The following ZFC3H1 variants were observed in gnomAD, a reference collection of about 807,000 sequenced individuals.
The protein encoded by ZFC3H1 is zinc finger C3H1 domain-containing protein.
A neutral mutation model predicts 243.7 loss-of-function variants in ZFC3H1; 71 were observed. The ratio of observed to expected loss-of-function variants is 0.29; its 90% CI spans 0.24 to 0.36. ZFC3H1 has a LOEUF of 0.36. Among genes scored for constraint, ZFC3H1 ranks in the 10% least tolerant of loss-of-function variants. ZFC3H1 has a pLI of 1.00. For missense variants in ZFC3H1, 1,966 were observed against 2,317.1 expected (o/e 0.85, Z 3.11); for synonymous variants, 838 against 813.0 (o/e 1.03, Z -0.52).
intron 1 of ZFC3H1, among the ~76,000 whole-genome samples, chr12:71,658,861 G>A (rs1392595358): frequency 6.6e-6 from 1 of 152,092 alleles, no homozygotes; most frequent in Non-Finnish European, 1.5e-5. Flanking sequence ...TAGTTTCTCT[G>A]TACCCTTCTT....
Position 71,627,878 on chromosome 12 carries a change from C to T in ZFC3H1, c.4003G>A (p.Asp1335Asn). The change falls in exon 21 of 35, where the codon GAT (aspartate) becomes AAT (asparagine). Residue 1335 changes from aspartate (D) to asparagine (N), a missense_variant. Coordinates refer to ENST00000378743, the MANE Select transcript of ZFC3H1 (RefSeq NM_144982.5). The stretch of plus-strand genomic sequence containing the variant: ...TCATTTGTAAAGTATCTGACATCAT[C>T]TGGAGTGACAACTGTATCCAGAGCT... ...VPALDTVVTP[D>N]DVRYFTNETD... 6.2e-7 allele frequency: 1 copy of T among 1,613,656 alleles called. No individual in the cohort carries two copies. Among genetic ancestry groups the T allele is most frequent in the South Asian group, 1.1e-5 (1 of 90,974 alleles).
chr12:71,614,616 T>C lies in ZFC3H1; in HGVS notation c.5445A>G (p.Arg1815=). The change falls in exon 30 of 35, where the codon AGA becomes AGG. Residue 1815 remains arginine, a synonymous_variant. Coordinates refer to ENST00000378743, the MANE Select transcript of ZFC3H1 (RefSeq NM_144982.5). ...EFKFFTDLVN[R]CLVTVPARYP... is the part of the protein sequence containing the mutation. The stretch of plus-strand genomic sequence containing the variant: ...ATCGGGCAGGGACTGTAACCAAACA[T>C]CTATTCACTAAATCAGTAAAAAATT... The C allele has an allele frequency of 6.2e-7, 1 of 1,613,594 alleles. No individual in the cohort carries two copies. The highest frequency in any genetic ancestry group is 8.5e-7 in the Non-Finnish European group (1 of 1,179,698).
chr12:71,655,465 G>A (rs1455026292), intron 2 of ZFC3H1, among the ~76,000 whole-genome samples: 1 of 151,722 alleles, frequency 6.6e-6, no homozygotes, highest in Non-Finnish European at 1.5e-5. Flanking sequence ...ACTTATTTCA[G>A]GGTAAATTAA....
chr12:71,655,547 CA>C (rs1273073877), intron 2 of ZFC3H1, among the ~76,000 whole-genome samples: 2 of 151,980 alleles, frequency 1.3e-5, no homozygotes, highest in African/African-American at 2.4e-5. Context: ...TTCTTAAGAA[CA>C]ATTTTTATAA....
In ZFC3H1 at chr12:71,644,110, C is replaced by T; in HGVS notation, c.1488G>A (p.Arg496=). The T allele has an allele frequency of 1.2e-6, 2 of 1,613,584 alleles. No homozygotes were observed. Among genetic ancestry groups the T allele is most frequent in the Non-Finnish European group, 8.5e-7 (1 of 1,179,830 alleles). Reference sequence around the variant, plus strand: ...CATTTCTTACTTTACTTCTTGATCTCCTCTTGCCACCAACCAATTTCATGA... The same window carrying T: ...CATTTCTTACTTTACTTCTTGATCTTCTCTTGCCACCAACCAATTTCATGA... ...NRFMKLVGGK[R]RSRSKSSDPD... Residue 496 remains arginine, a synonymous_variant, in exon 5 of 35, where the codon AGG becomes AGA. Coordinates refer to ENST00000378743, the MANE Select transcript of ZFC3H1 (RefSeq NM_144982.5).
intron 3 of ZFC3H1, among the ~76,000 whole-genome samples, chr12:71,645,322 G>C (rs777065222): frequency 6.6e-6 from 1 of 152,080 alleles, no homozygotes; most frequent in South Asian, 2.1e-4. Context: ...TTGGTAAGGC[G>C]GTACAACTGA....
At chr12:71,656,844 G>A (rs1881031318) in intron 2 of ZFC3H1, 41 bp downstream of exon 2, 2 of 1,550,170 alleles carry the variant, frequency 1.3e-6, no homozygotes, top group East Asian at 2.3e-5. Context: ...TACTTTAGAG[G>A]AAGAAGAGTC....
chr12:71,637,049 G>T lies in ZFC3H1; in HGVS notation c.1736C>A (p.Pro579His), dbSNP rs1880481170. Reference sequence around the variant, plus strand: ...GCCTTCCACATAAGGCTGGCTCAAAGGTGGCAGAGACTATTTTTTAAAAAA... The same window carrying T: ...GCCTTCCACATAAGGCTGGCTCAAATGTGGCAGAGACTATTTTTTAAAAAA... ...PPPPQVSSLPPLSQPYVEGLC... is the reference protein window; with the variant it reads ...PPPPQVSSLPHLSQPYVEGLC... Residue 579 changes from proline to histidine, a missense_variant, in exon 8 of 35, where the codon CCT (proline) becomes CAT (histidine). Transcript: ENST00000378743. 3 of 1,605,884 alleles carry T rather than the reference G, an allele frequency of 1.9e-6. No individual in the cohort carries two copies. The highest frequency in any genetic ancestry group is 2.5e-6 in the Non-Finnish European group (3 of 1,177,826).
intron 2 of ZFC3H1, among the ~76,000 whole-genome samples, chr12:71,650,296 T>C (rs1352485164): frequency 4.6e-5 from 7 of 152,222 alleles, no homozygotes; most frequent in Non-Finnish European, 8.8e-5. Context: ...ATAAATACAA[T>C]AAATTCAATA....
At chr12:71,631,251 A>C (rs1453868597) in intron 16 of ZFC3H1, among the ~76,000 whole-genome samples, 1 of 152,084 alleles carries the variant, frequency 6.6e-6, no homozygotes, top group Non-Finnish European at 1.5e-5. Context: ...TATTTCTTAC[A>C]CACATTACCA....
chr12:71,662,879 A>C, intron 1 of ZFC3H1, 134 bp downstream of exon 1: 1 of 934,042 alleles, frequency 1.1e-6, no homozygotes, highest in South Asian at 1.6e-5. Flanking sequence ...CCAAAGAACA[A>C]CTTAAAGTAT....
At chr12:71,611,215 A>C (rs1182364079) in intron 32 of ZFC3H1, 118 bp from the exon 33 acceptor site, 4 of 1,057,050 alleles carry the variant, frequency 3.8e-6, no homozygotes, top group Admixed American at 3.5e-5. Context: ...CTGAGTACAA[A>C]ACTTCCTGAA....
In ZFC3H1 at chr12:71,623,418, T is replaced by A; in HGVS notation, c.4686A>T (p.Pro1562=). Residue 1562 remains proline (P), a synonymous_variant, in exon 24 of 35, where the codon CCA becomes CCT. Transcript: ENST00000378743. The part of the protein sequence containing the change: ...RIVNTESFVM[P]WQAVQDVKTN... ...TCTTTACATCTTGAACAGCTTGCCA[T>A]GGCATTACAAATGATTCAGTGTTAA... The A allele has an allele frequency of 6.2e-7, 1 of 1,613,676 alleles. No homozygotes were observed.
At position 71,634,763 on chromosome 12, in the gene ZFC3H1, C is replaced by T. The variant is rs187512524; in HGVS notation, c.2301G>A (p.Pro767=). Reference sequence around the variant, plus strand: ...TCTTCTTTTCTTCAGGCAAAGCCTCCGGTGTTCGCAGAGGATCATTTTCTT... The same window carrying T: ...TCTTCTTTTCTTCAGGCAAAGCCTCTGGTGTTCGCAGAGGATCATTTTCTT... ...SEKENDPLRT[P]EALPEEKKIE... is the part of the protein sequence containing the mutation. The change falls in exon 11 of 35, where the codon CCG becomes CCA. Residue 767 remains proline, a synonymous_variant. Transcript: ENST00000378743. 143 of 1,605,802 alleles carry T rather than the reference C, an allele frequency of 8.9e-5. 1 individual carries two copies. In the Admixed American group the frequency reaches 1.3e-3, roughly 14 times the overall value.
chr12:71,656,572 A>C (rs974811443), intron 2 of ZFC3H1: 2 of 639,106 alleles, frequency 3.1e-6, no homozygotes, highest in Non-Finnish European at 2.7e-6. Flanking sequence ...ACCTACAAAA[A>C]AATTAACATC....
chr12:71,615,224 T>C lies in ZFC3H1; in HGVS notation c.5237A>G (p.Tyr1746Cys), dbSNP rs2137514828. ...DDDMFNHQVP[Y>C]LWLIYCLCHP... ...GTCTCACCAGTAAATCAGCCACAAATAAGGAACTTGGTGGTTAAACATATC... is the reference window on the plus strand; with the variant it reads ...GTCTCACCAGTAAATCAGCCACAAACAAGGAACTTGGTGGTTAAACATATC... Residue 1746 changes from tyrosine to cysteine, a missense_variant, in exon 28 of 35, where the codon TAT becomes TGT. Tyr to Cys is a radical substitution (Grantham distance 194, BLOSUM62 -2). This residue lies in a region of ZFC3H1 where 1,383 missense variants were observed against 1,723.7 expected (regional missense o/e 0.80). Transcript: ENST00000378743. The C allele has an allele frequency of 1.9e-6, 3 of 1,611,724 alleles. No homozygotes were observed. Among genetic ancestry groups the C allele is most frequent in the Non-Finnish European group, 1.7e-6 (2 of 1,178,764 alleles).
chr12:71,643,082 A>G (rs1880638849), intron 5 of ZFC3H1, among the ~76,000 whole-genome samples: 1 of 152,198 alleles, frequency 6.6e-6, no homozygotes, highest in African/African-American at 2.4e-5. Context: ...GAGACAGTTT[A>G]TAATAAACTA....
intron 1 of ZFC3H1, among the ~76,000 whole-genome samples, chr12:71,662,497 T>TCCCCCCCCCCCCCCCCCCCCC (rs150388437): frequency 9.7e-6 from 1 of 103,494 alleles, no homozygotes; most frequent in Non-Finnish European, 1.9e-5. Context: ...TTTTTACCCC[T>TCCCCCCCCCCCCCCCCCCCCC]CCCCCCCCCA....
Position 71,610,217 on chromosome 12 carries a change from C to G in ZFC3H1, c.*211G>C, listed in dbSNP as rs1592579940. The G allele has an allele frequency of 2.0e-6, 1 of 493,202 alleles. No individual in the cohort carries two copies. The highest frequency in any genetic ancestry group is 3.8e-5 in the Admixed American group (1 of 26,630). 30.6% of individuals were successfully genotyped at this position (493,202 alleles called of 1,614,324 possible). A position where few individuals can be genotyped will look rare whatever the true frequency, so the allele number is the denominator to read the frequency against. ...ATGAGAATCTGGCAGGGCCTAGAAGCAGGCCAAACAGGAAGTTCATTTATC... is the reference window on the plus strand; with the variant it reads ...ATGAGAATCTGGCAGGGCCTAGAAGGAGGCCAAACAGGAAGTTCATTTATC... On this transcript the variant is annotated 3_prime_UTR_variant, in exon 35 of 35. Coordinates refer to ENST00000378743, the MANE Select transcript of ZFC3H1 (RefSeq NM_144982.5).
Sources: allele counts gnomAD v4.1 joint callset (sites outside exome capture counted in the v4.1 genomes callset), GRCh38; gene constraint gnomAD v4.1.1; regional missense constraint gnomAD v4.1.1; transcripts MANE v1.5; gene names NCBI Gene and HGNC (gene_info 2026-07-23, HGNC 2026-07-21).